Variants in SVEP1 observed in about 807,000 individuals in gnomAD.
SVEP1 encodes sushi, von Willebrand factor type A, EGF and pentraxin domain containing 1, also known as sushi, von Willebrand factor type A, EGF and pentraxin domain-containing protein 1.
A neutral mutation model predicts 367.3 loss-of-function variants in SVEP1; 164 were observed. That is an observed-to-expected ratio of 0.45 (90% CI 0.39 to 0.51). SVEP1 has a LOEUF of 0.51. Ranked by LOEUF, SVEP1 falls within the 20% of genes least tolerant of loss-of-function variation. SVEP1 has a pLI of 0.00. For missense variants in SVEP1, 4,117 were observed against 4,425.3 expected, an observed-to-expected ratio of 0.93 and a Z score of 1.98; for synonymous variants, 1,666 against 1,611.6, an observed-to-expected ratio of 1.03 and a Z score of -0.81.
intron 9 of SVEP1, among the ~76,000 whole-genome samples, chr9:110,487,837 T>C (rs1395644212): frequency 6.6e-5 from 10 of 152,148 alleles, no homozygotes; most frequent in African/African-American, 1.9e-4. Flanking sequence ...AATTGAGGTA[T>C]AGAGCAGGAA....
intron 3 of SVEP1, among the ~76,000 whole-genome samples, chr9:110,526,068 T>C (rs921463231): frequency 2.0e-5 from 3 of 152,130 alleles, no homozygotes; most frequent in African/African-American, 4.8e-5. Context: ...GTATAAAATA[T>C]AAAACTATAA....
At position 110,578,516 on chromosome 9, in the gene SVEP1, C is replaced by G. The variant is rs549317531; in HGVS notation, c.531+497G>C. On this transcript the variant is annotated intron_variant, in intron 1 of 47. Transcript: ENST00000374469. ...AAAACAGACACACTTTACAAAAGTC[C>G]GACATCCCAAACTGACTTCCTCTTC... Among the ~76,000 whole-genome samples, 3 of 152,146 alleles carry G rather than the reference C, an allele frequency of 2.0e-5. No individual in the cohort carries two copies. The South Asian group carries it at 6.2e-4, about 32-fold the overall frequency.
chr9:110,525,266 A>G (rs1234329371), intron 3 of SVEP1, among the ~76,000 whole-genome samples: 1 of 152,220 alleles, frequency 6.6e-6, no homozygotes, highest in African/African-American at 2.4e-5. Context: ...GCAAAGTTGC[A>G]GGACACAATG....
intron 3 of SVEP1, among the ~76,000 whole-genome samples, chr9:110,537,323 T>G (rs150107627): frequency 6.6e-6 from 1 of 152,124 alleles, no homozygotes; most frequent in East Asian, 1.9e-4. Flanking sequence ...CATGGATACA[T>G]GAACTAATTA....
chr9:110,542,054 T>C (rs768144741), intron 3 of SVEP1, among the ~76,000 whole-genome samples: 31 of 152,054 alleles, frequency 2.0e-4, no homozygotes, highest in Non-Finnish European at 4.1e-4. Context: ...ATTAAGTTGC[T>C]CATAGCCATG....
chr9:110,448,573 G>A (rs888586544), intron 24 of SVEP1, among the ~76,000 whole-genome samples: 1 of 152,078 alleles, frequency 6.6e-6, no homozygotes, highest in East Asian at 1.9e-4. Flanking sequence ...CCTGTGTTTG[G>A]TGTCATTACA....
chr9:110,433,595 CTGAGTAGCTG>C (rs1358044355), intron 30 of SVEP1, among the ~76,000 whole-genome samples: 1 of 151,166 alleles, frequency 6.6e-6, no homozygotes, highest in Non-Finnish European at 1.5e-5. Flanking sequence ...TTTCAGCCTA[CTGAGTAGCTG>C]GAATTACTGG....
At chr9:110,534,472 C>T (rs1016856053) in intron 3 of SVEP1, among the ~76,000 whole-genome samples, 4 of 152,040 alleles carry the variant, frequency 2.6e-5, no homozygotes, top group East Asian at 1.9e-4. Flanking sequence ...TTATGAATAG[C>T]GCTGCAATAA....
At chr9:110,446,729 A>G (rs1480642262) in intron 25 of SVEP1, among the ~76,000 whole-genome samples, 171 bp downstream of exon 25, 2 of 152,134 alleles carry the variant, frequency 1.3e-5, no homozygotes, top group Non-Finnish European at 2.9e-5. Flanking sequence ...GCCACTGAGG[A>G]TAATAGTAGT....
chr9:110,575,434 A>C (rs955386526), intron 1 of SVEP1, among the ~76,000 whole-genome samples: 1 of 152,198 alleles, frequency 6.6e-6, no homozygotes, highest in Non-Finnish European at 1.5e-5. Context: ...GGAGTAGACC[A>C]TGGCATTAGG....
chr9:110,401,057 TATGA>T (rs1827853167), intron 39 of SVEP1, 48 bp from the exon 40 acceptor site: 2 of 1,591,584 alleles, frequency 1.3e-6, no homozygotes, highest in East Asian at 2.2e-5. Flanking sequence ...AGTTAATACA[TATGA>T]ATGAAGAAAT....
intron 5 of SVEP1, among the ~76,000 whole-genome samples, chr9:110,504,641 T>G (rs1829595703): frequency 3.9e-5 from 6 of 152,200 alleles, no homozygotes; most frequent in Non-Finnish European, 5.9e-5. Flanking sequence ...TTAATTGGCT[T>G]AACACATTGT....
intron 40 of SVEP1, among the ~76,000 whole-genome samples, chr9:110,393,752 A>C (rs2182749): frequency 2.0e-5 from 3 of 152,088 alleles, no homozygotes; most frequent in African/African-American, 7.2e-5. Context: ...ACAGAGTCTC[A>C]CTCATTGCTA....
rs1396312413 is a variant in SVEP1, at chr9:110,479,771, A to G, written c.2366-15T>C. 6.3e-7 allele frequency: 1 copy of G among 1,593,472 alleles called. No homozygotes were observed. The highest frequency in any genetic ancestry group is 8.5e-7 in the Non-Finnish European group (1 of 1,173,838). ...AAAACGTTTTTCTAGAAAATGTTGG[A>G]CAAAACAGCTTCAGTTGGTTAGTGT... On this transcript the variant is annotated splice_polypyrimidine_tract_variant and intron_variant, in intron 12 of 47. Coordinates refer to ENST00000374469, the MANE Select transcript of SVEP1 (RefSeq NM_153366.4).
At chr9:110,395,199 A>G (rs372244989) in intron 40 of SVEP1, among the ~76,000 whole-genome samples, 2 of 152,290 alleles carry the variant, frequency 1.3e-5, no homozygotes, top group Non-Finnish European at 2.9e-5. Context: ...GCCAATATTC[A>G]ACATTCTTAA....
chr9:110,429,610 T>C (rs1213966108), intron 34 of SVEP1, among the ~76,000 whole-genome samples: 2 of 152,148 alleles, frequency 1.3e-5, no homozygotes, highest in South Asian at 2.1e-4. Flanking sequence ...GGCTTGAGAG[T>C]GGTGTGGTCT....
chr9:110,500,733 A>G (rs991720136), intron 6 of SVEP1, among the ~76,000 whole-genome samples: 2 of 152,002 alleles, frequency 1.3e-5, no homozygotes, highest in African/African-American at 4.8e-5. Context: ...TTTTCCCTCA[A>G]CTGACCTGTG....
At chr9:110,388,653 C>T (rs746539594) in intron 41 of SVEP1, among the ~76,000 whole-genome samples, 21 of 152,176 alleles carry the variant, frequency 1.4e-4, no homozygotes, top group Admixed American at 3.3e-4. Flanking sequence ...CACTTTGAAA[C>T]CACATAGGGA....
intron 2 of SVEP1, among the ~76,000 whole-genome samples, chr9:110,547,247 A>G (rs1830231861): frequency 1.3e-5 from 2 of 152,162 alleles, no homozygotes; most frequent in Admixed American, 6.6e-5. Flanking sequence ...TCCTTCCAAT[A>G]GACTGTGGTG....
Sources: gnomAD v4.1 joint callset for allele counts (sites outside exome capture counted in the v4.1 genomes callset) on GRCh38, gnomAD v4.1.1 for gene constraint, MANE v1.5 for transcripts, NCBI Gene and HGNC (gene_info 2026-07-23, HGNC 2026-07-21) for gene names.